Variants in DUSP22 observed in about 807,000 individuals in gnomAD.
DUSP22 encodes the protein dual specificity phosphatase 22.
In DUSP22, 24 loss-of-function variants were observed where a neutral mutation model predicts 24.5. The ratio of observed to expected loss-of-function variants is 0.98; its 90% confidence interval spans 0.71 to 1.38. The LOEUF is 1.38. DUSP22 is among the 40% of genes most tolerant of loss of function. The pLI is 0.00. For missense variants in DUSP22, 330 were observed against 269.2 expected, an observed-to-expected ratio of 1.23 and a Z score of -1.58; for synonymous variants, 160 against 106.4, an observed-to-expected ratio of 1.50 and a Z score of -3.10.
At chr6:292,764 G>C (rs1032087607) in intron 1 of DUSP22, among the ~76,000 whole-genome samples, 2 of 152,266 alleles carry the variant, frequency 1.3e-5, no homozygotes. Context: ...CGGCTTCCGG[G>C]TAGGCAGCCC....
chr6:348,556 C>T (rs1760000881), intron 6 of DUSP22: 1 of 927,016 alleles, frequency 1.1e-6, no homozygotes, highest in Admixed American at 2.9e-5. Flanking sequence ...TTGGTCTGGC[C>T]TATTTTCATG....
At chr6:340,846 T>C (rs544510464) in intron 4 of DUSP22, among the ~76,000 whole-genome samples, 4 of 152,304 alleles carry the variant, frequency 2.6e-5, no homozygotes, top group Non-Finnish European at 2.9e-5. Flanking sequence ...ACAGTGGGGA[T>C]TGAGGCCTCC....
rs1455605312 is a variant in DUSP22, at chr6:308,869, T to C, written c.56-3011T>C. 3.3e-5 allele frequency among the ~76,000 whole-genome samples: 5 copies of C among 152,426 alleles called. No homozygotes were observed. The South Asian group carries it at 6.2e-4, about 19-fold the overall frequency. ...GTTGACATTCAAATGCCAGGTGGAA[T>C]GGGTGTCTGGAGGAGCCAGGTGGGT... On this transcript the variant is annotated intron_variant, in intron 2 of 6. Transcript: ENST00000419235.
intron 4 of DUSP22, among the ~76,000 whole-genome samples, chr6:339,766 CCTAT>C (rs555931875): frequency 4.6e-3 from 700 of 152,098 alleles, no homozygotes; most frequent in African/African-American, 0.016. Flanking sequence ...ATTCTATCTC[CCTAT>C]CTTTTTGTCT....
chr6:332,956 T>C (rs1276455913), intron 3 of DUSP22, among the ~76,000 whole-genome samples: 1 of 152,300 alleles, frequency 6.6e-6, no homozygotes, highest in African/African-American at 2.4e-5. Context: ...AGGAAAGAAG[T>C]GAATGAGTCA....
intron 4 of DUSP22, among the ~76,000 whole-genome samples, chr6:337,439 A>G (rs1484389718): frequency 6.6e-6 from 1 of 152,306 alleles, no homozygotes; most frequent in Non-Finnish European, 1.5e-5. Flanking sequence ...TTGCAATAAC[A>G]AGTTTTGGTG....
chr6:335,895 A>T (rs1759340089), intron 4 of DUSP22, among the ~76,000 whole-genome samples: 1 of 152,308 alleles, frequency 6.6e-6, no homozygotes, highest in East Asian at 1.9e-4. Context: ...CTATTTCTTC[A>T]TAGCAGAATA....
chr6:318,079 G>A (rs1284400742), intron 3 of DUSP22, among the ~76,000 whole-genome samples: 1 of 152,304 alleles, frequency 6.6e-6, no homozygotes, highest in African/African-American at 2.4e-5. Flanking sequence ...CGGTGCCTGT[G>A]GATGTCCTGT....
chr6:330,156 C>G (rs1439083617), intron 3 of DUSP22, among the ~76,000 whole-genome samples: 6 of 152,304 alleles, frequency 3.9e-5, no homozygotes, highest in African/African-American at 1.4e-4. Flanking sequence ...ACCATACCGT[C>G]ACTGCTGCCG....
intron 3 of DUSP22, among the ~76,000 whole-genome samples, chr6:324,552 G>A (rs1260822493): frequency 7.9e-5 from 12 of 152,302 alleles, no homozygotes; most frequent in South Asian, 2.1e-4. Flanking sequence ...CCCCGTGGAC[G>A]TTCTTTCTGC....
At chr6:292,984 C>T (rs1053757848) in intron 1 of DUSP22, among the ~76,000 whole-genome samples, 2 of 152,406 alleles carry the variant, frequency 1.3e-5, no homozygotes, top group South Asian at 2.1e-4. Flanking sequence ...CTGTAATTTC[C>T]TCTTTCTCCT....
At chr6:333,887 G>A (rs1019268264) in intron 3 of DUSP22, among the ~76,000 whole-genome samples, 1 of 152,310 alleles carries the variant, frequency 6.6e-6, no homozygotes, top group South Asian at 2.1e-4. Context: ...GGGACATGAA[G>A]TGTGTCTGGT....
At position 350,195 on chromosome 6, in the gene DUSP22, G is replaced by T. The variant is rs936633737; in HGVS notation, c.*1244G>T. 1.0e-6 allele frequency: 1 copy of T among 986,748 alleles called. No homozygotes were observed. The highest frequency in any genetic ancestry group is 1.7e-5 in the African/African-American group (1 of 57,280). The allele number at this position is 986,748 out of a possible 1,614,324, so 61.1% of individuals were successfully genotyped here. On this transcript the variant is annotated 3_prime_UTR_variant, in exon 7 of 7. Transcript: ENST00000419235. The stretch of plus-strand genomic sequence containing the variant: ...ATTGCTTTTGAAACCAAAGGGGAAG[G>T]TACCGATATCATTGAGCTATTTAAA...
In DUSP22 at chr6:348,946, A is replaced by T. The variant is rs773859403; in HGVS notation, c.613A>T (p.Thr205Ser). The change falls in exon 7 of 7, where the codon ACC (threonine) becomes TCC (serine). Residue 205 changes from threonine to serine, a missense_variant. By Grantham distance (58) the Thr-to-Ser change is moderately conservative (BLOSUM62 1). Coordinates refer to ENST00000419235, the MANE Select transcript of DUSP22 (RefSeq NM_001286555.3). ...GACCTACGATAATTATACGACGGAGACCTAACGCAAGCGACCTGCTGCCTT... is the reference window on the plus strand; with the variant it reads ...GACCTACGATAATTATACGACGGAGTCCTAACGCAAGCGACCTGCTGCCTT... ...PLTYDNYTTE[T>S] 6.3e-7 allele frequency: 1 copy of T among 1,592,226 alleles called. No individual in the cohort carries two copies. The highest frequency in any genetic ancestry group is 8.6e-7 in the Non-Finnish European group (1 of 1,168,596).
chr6:339,431 A>C (rs1237775750), intron 4 of DUSP22, among the ~76,000 whole-genome samples: 1 of 152,308 alleles, frequency 6.6e-6, no homozygotes, highest in African/African-American at 2.4e-5. Flanking sequence ...AAAGAGTATT[A>C]ATATGTTTTG....
rs569903888 is a variant in DUSP22, at chr6:351,114, C to T, written c.*2163C>T. On this transcript the variant is annotated 3_prime_UTR_variant, in exon 7 of 7. Coordinates refer to ENST00000419235, the MANE Select transcript of DUSP22 (RefSeq NM_001286555.3). ...ACCTCGCTTGGATGCCTGTAAGGAT[C>T]CCGGGAGCCTTGCCGCACTGCCTTG... 14 of 619,656 alleles carry T rather than the reference C, an allele frequency of 2.3e-5. No homozygotes were observed. In the East Asian group the frequency reaches 4.4e-4, roughly 19 times the overall value. The allele number at this position is 619,656 out of a possible 1,614,324, so 38.4% of individuals were successfully genotyped here. A position where few individuals can be genotyped will look rare whatever the true frequency, so the allele number is the denominator to read the frequency against.
At chr6:334,498 A>AT (rs1759278020) in intron 3 of DUSP22, among the ~76,000 whole-genome samples, 1 of 152,374 alleles carries the variant, frequency 6.6e-6, no homozygotes, top group Non-Finnish European at 1.5e-5. Context: ...TATGAAGTTT[A>AT]TTTTTTTCAA....
intron 2 of DUSP22, among the ~76,000 whole-genome samples, chr6:306,232 C>G (rs1757808775): frequency 6.6e-6 from 1 of 152,296 alleles, no homozygotes; most frequent in African/African-American, 2.4e-5. Flanking sequence ...AGGATAAGTT[C>G]TTAGAAGTAG....
intron 4 of DUSP22, among the ~76,000 whole-genome samples, chr6:343,687 G>GTGTGCATGTTTGCATGTGCATGTTTGCA (rs11274439): frequency 3.3e-5 from 5 of 151,338 alleles, no homozygotes; most frequent in Non-Finnish European, 7.4e-5. Flanking sequence ...GCATGTTTGC[G>GTGTGCATGTTTGCATGTGCATGTTTGCA]TGTGCATGTT....
Sources: allele counts gnomAD v4.1 joint callset (sites outside exome capture counted in the v4.1 genomes callset), GRCh38; gene constraint gnomAD v4.1.1; transcripts MANE v1.5; gene names NCBI Gene and HGNC (gene_info 2026-07-23, HGNC 2026-07-21).